OCLN: variants seen among roughly 807,000 people sequenced by gnomAD.
OCLN encodes phosphatase 1, regulatory subunit 115.
Under a neutral mutation model 47.9 loss-of-function variants are expected in OCLN, and 21 were observed. That is an observed-to-expected ratio of 0.44 (90% confidence interval 0.31 to 0.63). The LOEUF (loss-of-function observed/expected upper bound fraction) is 0.63, where lower values mean the gene tolerates loss of function less well. OCLN is among the 30% of genes least tolerant of loss of function. The pLI is 0.08. For missense variants in OCLN, 360 were observed against 571.0 expected, an observed-to-expected ratio of 0.63 and a Z score of 3.77; for synonymous variants, 117 against 198.4, an observed-to-expected ratio of 0.59 and a Z score of 3.45.
chr5:69,533,050 CAT>C (rs564527301), intron 4 of OCLN, among the ~76,000 whole-genome samples: 1,930 of 143,184 alleles, frequency 0.013, 21 homozygotes, highest in Non-Finnish European at 0.021. Flanking sequence ...TATATATACA[CAT>C]ATATACATAT....
Position 69,493,151 on chromosome 5 carries a change from C to A in OCLN, c.-69+251C>A, listed in dbSNP as rs1429337297. Among the ~76,000 whole-genome samples, 2 of 152,172 alleles carry A rather than the reference C, an allele frequency of 1.3e-5. No homozygotes were observed. The highest frequency in any genetic ancestry group is 6.5e-5 in the Admixed American group (1 of 15,272). On this transcript the variant is annotated intron_variant, in intron 1 of 8. Coordinates refer to ENST00000396442, the MANE Select transcript of OCLN (RefSeq NM_001205254.2). This position sits in a 1 kb window ranked among gnomAD's most constrained non-coding sequence, Gnocchi z 5.3. ...TGGAGCCGCCGATCAAGCTTTATTC[C>A]GCGGAAACGCTGAAAGCTAGCAGTG...
chr5:69,521,047 C>T (rs1356085567), intron 4 of OCLN, among the ~76,000 whole-genome samples: 1 of 151,950 alleles, frequency 6.6e-6, no homozygotes, highest in Non-Finnish European at 1.5e-5. Context: ...GGGGTTTCAC[C>T]ACGTTGGTCG....
At chr5:69,529,183 G>A (rs1461374543) in intron 4 of OCLN, among the ~76,000 whole-genome samples, 1 of 152,154 alleles carries the variant, frequency 6.6e-6, no homozygotes, top group Non-Finnish European at 1.5e-5. Context: ...TTACTCTCAG[G>A]TGAGGAAGAA....
At chr5:69,521,380 G>A (rs890970141) in intron 4 of OCLN, among the ~76,000 whole-genome samples, 4 of 152,058 alleles carry the variant, frequency 2.6e-5, no homozygotes, top group African/African-American at 9.7e-5. Context: ...TACAGATAAC[G>A]CTGCAGTGAA....
Position 69,536,269 on chromosome 5 carries a change from A to T in OCLN, c.1037+1430A>T, listed in dbSNP as rs1273378213. ...GGACATTACTGTACACTTTATAAAC[A>T]CTATACTTAGGCTACACTAAATTTA... is the stretch of plus-strand genomic sequence containing the variant. On this transcript the variant is annotated intron_variant, in intron 5 of 8. Coordinates refer to ENST00000396442, the MANE Select transcript of OCLN (RefSeq NM_001205254.2). Among the ~76,000 whole-genome samples, 4 of 148,520 alleles carry T rather than the reference A, an allele frequency of 2.7e-5. No individual in the cohort carries two copies. In the East Asian group the frequency reaches 7.8e-4, roughly 29 times the overall value.
At position 69,511,483 on chromosome 5, in the gene OCLN, C is replaced by G. The variant is rs1250087262; in HGVS notation, c.729+1664C>G. On this transcript the variant is annotated intron_variant, in intron 3 of 8. Transcript: ENST00000396442. ...CTGGGGTGCAGTGGTGCAGTCACAGCTCACTGCATCCTTGACCTCCTGGGC... is the reference window on the plus strand; with the variant it reads ...CTGGGGTGCAGTGGTGCAGTCACAGGTCACTGCATCCTTGACCTCCTGGGC... 6.6e-5 allele frequency among the ~76,000 whole-genome samples: 10 copies of G among 152,236 alleles called. No homozygotes were observed. The East Asian group carries it at 1.9e-3, about 29-fold the overall frequency.
At chr5:69,512,001 C>T (rs193043585) in intron 3 of OCLN, among the ~76,000 whole-genome samples, 79 of 132,528 alleles carry the variant, frequency 6.0e-4, no homozygotes, top group African/African-American at 1.3e-3. Flanking sequence ...CCAGCCTAGA[C>T]AACAAGAGCA....
At chr5:69,520,083 C>T (rs1040020681) in intron 4 of OCLN, among the ~76,000 whole-genome samples, 6 of 152,028 alleles carry the variant, frequency 3.9e-5, no homozygotes, top group Admixed American at 2.6e-4. Flanking sequence ...CTCAGCCTTC[C>T]GAGTATCTGG....
Position 69,524,522 on chromosome 5 carries a change from CAG to C in OCLN, c.892-10169_892-10168del, listed in dbSNP as rs1266768812. ...GTGTCTTGGCATTTGCCTTTTTACG[CAG>C]AGTTAGGTTATAGATTAATACATGT... On this transcript the variant is annotated intron_variant, in intron 4 of 8. Transcript: ENST00000396442. Among the ~76,000 whole-genome samples the C allele has an allele frequency of 2.6e-5, 4 of 152,138 alleles. No homozygotes were observed. In the East Asian group the frequency reaches 7.7e-4, roughly 29 times the overall value.
intron 1 of OCLN, among the ~76,000 whole-genome samples, chr5:69,497,914 C>T (rs1168498917): frequency 1.3e-5 from 2 of 151,876 alleles, no homozygotes; most frequent in Non-Finnish European, 2.9e-5. Flanking sequence ...GGGCGGATCA[C>T]GAGGTCAGGA....
At position 69,509,287 on chromosome 5, in the gene OCLN, G is replaced by A; in HGVS notation, c.197G>A (p.Arg66Gln). 5 of 1,614,128 alleles carry A rather than the reference G, an allele frequency of 3.1e-6. No homozygotes were observed. The highest frequency in any genetic ancestry group is 4.5e-5 in the East Asian group (2 of 44,884). ...TGGACCTCTCCTCCAGGAGTGATTC[G>A]GATCCTGTCTATGCTCATTATTGTG... The part of the protein sequence containing the change: ...YKWTSPPGVI[R>Q]ILSMLIIVMC... Residue 66 changes from arginine to glutamine, a missense_variant, in exon 3 of 9, where the codon CGG becomes CAG. Around this residue, in one of 3 missense-constraint regions of OCLN, gnomAD observed 314 missense variants for 368.1 expected, o/e 0.85. Coordinates refer to ENST00000396442, the MANE Select transcript of OCLN (RefSeq NM_001205254.2).
chr5:69,527,716 GTCTATT>G (rs1356293423), intron 4 of OCLN, among the ~76,000 whole-genome samples: 3 of 152,098 alleles, frequency 2.0e-5, no homozygotes, highest in Non-Finnish European at 4.4e-5. Flanking sequence ...GCCACAAAGA[GTCTATT>G]TCTATCAGTC....
At chr5:69,512,039 A>G (rs1203256993) in intron 3 of OCLN, among the ~76,000 whole-genome samples, 2 of 151,694 alleles carry the variant, frequency 1.3e-5, no homozygotes, top group East Asian at 1.9e-4. Flanking sequence ...AAAAAAAAAA[A>G]AAAAAATTTT....
chr5:69,513,804 C>G, intron 3 of OCLN, 144 bp from the exon 4 acceptor site: 4 of 745,822 alleles, frequency 5.4e-6, no homozygotes, highest in South Asian at 3.2e-5. Context: ...TGAAATGTAA[C>G]TATTTGCTTC....
chr5:69,527,104 CCTT>C (rs761994458), intron 4 of OCLN, among the ~76,000 whole-genome samples: 11 of 152,006 alleles, frequency 7.2e-5, no homozygotes, highest in Non-Finnish European at 1.0e-4. Context: ...TGGTGAAACT[CCTT>C]CTCTTCTAAA....
intron 7 of OCLN, among the ~76,000 whole-genome samples, chr5:69,549,153 A>G (rs1183545939): frequency 8.1e-6 from 1 of 122,888 alleles, no homozygotes; most frequent in East Asian, 2.3e-4. Flanking sequence ...ACACAGTGAA[A>G]CCCCGTCTCT....
At chr5:69,528,363 CT>C (rs1351181736) in intron 4 of OCLN, among the ~76,000 whole-genome samples, 2 of 151,894 alleles carry the variant, frequency 1.3e-5, no homozygotes, top group African/African-American at 4.8e-5. Context: ...AAATCCTACT[CT>C]TTCCTTTTTG....
chr5:69,525,522 C>T (rs147245344), intron 4 of OCLN, among the ~76,000 whole-genome samples: 6 of 152,240 alleles, frequency 3.9e-5, no homozygotes, highest in African/African-American at 1.4e-4. Context: ...AAAAGTGTAT[C>T]AGTGTTGTCT....
rs569095249 is a variant in OCLN, at chr5:69,509,449, A to G, written c.359A>G (p.Tyr120Cys). 3.2e-5 allele frequency: 52 copies of G among 1,614,198 alleles called. No individual in the cohort carries two copies. Among genetic ancestry groups the G allele is most frequent in the South Asian group, 5.5e-5 (5 of 91,084 alleles). The change falls in exon 3 of 9, where the codon TAT becomes TGT. Residue 120 changes from tyrosine (Y) to cysteine (C), a missense_variant. Transcript: ENST00000396442. Reference sequence around the variant, plus strand: ...GGTAGCTACGGAAGTGGCTATGGCTATGGCTATGGTTATGGCTATGGCTAC... The same window carrying G: ...GGTAGCTACGGAAGTGGCTATGGCTGTGGCTATGGTTATGGCTATGGCTAC... ...GFGSYGSGYG[Y>C]GYGYGYGYGG...
Sources: gnomAD v4.1 joint callset for allele counts (sites outside exome capture counted in the v4.1 genomes callset) on GRCh38, gnomAD v4.1.1 for gene constraint, gnomAD v4.1.1 regional missense constraint, Gnocchi (gnomAD v3.1) non-coding constraint, MANE v1.5 for transcripts, NCBI Gene and HGNC (gene_info 2026-07-23, HGNC 2026-07-21) for gene names.